Variants in PACSIN1 observed in about 807,000 individuals in gnomAD.
PACSIN1 encodes the protein protein kinase C and casein kinase substrate in neurons protein 1.
Under a neutral mutation model 59.5 loss-of-function variants are expected in PACSIN1, and 15 were observed. The ratio of observed to expected loss-of-function variants is 0.25; its 90% CI spans 0.17 to 0.39. PACSIN1 has a LOEUF of 0.39. Ranked by LOEUF, PACSIN1 falls within the 10% of genes least tolerant of loss-of-function variation. PACSIN1 has a pLI of 1.00. For synonymous variants in PACSIN1, 210 were observed against 220.6 expected, an observed-to-expected ratio of 0.95 and a Z score of 0.42; for missense variants, 420 against 580.2, an observed-to-expected ratio of 0.72 and a Z score of 2.84.
At chr6:34,486,224 T>G in intron 1 of PACSIN1, among the ~76,000 whole-genome samples, 1 of 147,956 alleles carries the variant, frequency 6.8e-6, no homozygotes, top group Non-Finnish European at 1.5e-5. Context: ...TGGGGTGAGG[T>G]GGGTTTGGGG....
chr6:34,529,067 G>A lies in PACSIN1; in HGVS notation c.456+190G>A, dbSNP rs919492941. ...GTAGGCAGTGCCCATTGGGTAAGGA[G>A]ACCCATGGGCAAAAAGGGGCACTGT... On this transcript the variant is annotated intron_variant, in intron 4 of 9. Transcript: ENST00000244458. This position sits in a 1 kb window ranked among gnomAD's most constrained non-coding sequence, Gnocchi z 6.3. 2.0e-5 allele frequency among the ~76,000 whole-genome samples: 3 copies of A among 152,068 alleles called. No individual in the cohort carries two copies. The highest frequency in any genetic ancestry group is 7.2e-5 in the African/African-American group (3 of 41,412).
At chr6:34,524,155 C>T (rs971462822) in intron 1 of PACSIN1, among the ~76,000 whole-genome samples, 6 of 152,126 alleles carry the variant, frequency 3.9e-5, no homozygotes, top group Non-Finnish European at 7.4e-5. Context: ...GTTCCAAGAA[C>T]CCTGGGCCTG....
At position 34,521,336 on chromosome 6, in the gene PACSIN1, G is replaced by A. The variant is rs1004098799; in HGVS notation, c.-63-4907G>A. 1.3e-5 allele frequency among the ~76,000 whole-genome samples: 2 copies of A among 152,138 alleles called. No individual in the cohort carries two copies. Among genetic ancestry groups the A allele is most frequent in the African/African-American group, 4.8e-5 (2 of 41,416 alleles). The stretch of plus-strand genomic sequence containing the variant: ...TGACCACTGAGGTAGGAATCCACAC[G>A]GCGCCTTGGTCCACACGAGGCCTGG... On this transcript the variant is annotated intron_variant, in intron 1 of 9. Transcript: ENST00000244458. The surrounding 1 kb of genome is among the most constrained non-coding windows in gnomAD (Gnocchi z 4.3).
In PACSIN1 at chr6:34,531,501, G is replaced by C; in HGVS notation, c.1038-99G>C. The C allele has an allele frequency of 3.2e-6, 4 of 1,248,572 alleles. No individual in the cohort carries two copies. The highest frequency in any genetic ancestry group is 4.6e-6 in the Non-Finnish European group (4 of 874,280). 77.3% of individuals were successfully genotyped at this position (1,248,572 alleles called of 1,614,324 possible). A position where few individuals can be genotyped will look rare whatever the true frequency, so the allele number is the denominator to read the frequency against. Reference sequence around the variant, plus strand: ...TGTGGCCAATCCTTGCTCTAGCCTTGGTAGAATTCGGGATCAGGGCTCTGA... The same window carrying C: ...TGTGGCCAATCCTTGCTCTAGCCTTCGTAGAATTCGGGATCAGGGCTCTGA... On this transcript the variant is annotated intron_variant, in intron 8 of 9. Coordinates refer to ENST00000244458, the MANE Select transcript of PACSIN1 (RefSeq NM_020804.5). The surrounding 1 kb of genome is among the most constrained non-coding windows in gnomAD (Gnocchi z 4.4).
intron 1 of PACSIN1, among the ~76,000 whole-genome samples, chr6:34,519,923 G>C (rs1464420810): frequency 2.6e-5 from 4 of 152,162 alleles, no homozygotes; most frequent in Non-Finnish European, 5.9e-5. Context: ...TCCTGAACCA[G>C]CAAGACTGTT....
intron 1 of PACSIN1, among the ~76,000 whole-genome samples, chr6:34,481,894 C>T (rs899038871): frequency 6.6e-6 from 1 of 152,084 alleles, no homozygotes; most frequent in African/African-American, 2.4e-5. Context: ...TATCTAATTC[C>T]AGAATATTCC....
intron 1 of PACSIN1, among the ~76,000 whole-genome samples, chr6:34,485,599 C>A (rs1330407766): frequency 6.6e-6 from 1 of 152,168 alleles, no homozygotes; most frequent in Non-Finnish European, 1.5e-5. Context: ...TGTCCCATAT[C>A]CAGGTGGGGC....
chr6:34,485,606 G>T (rs1402413704), intron 1 of PACSIN1, among the ~76,000 whole-genome samples: 1 of 152,196 alleles, frequency 6.6e-6, no homozygotes, highest in African/African-American at 2.4e-5. Context: ...TATCCAGGTG[G>T]GGCCGTTGAG....
chr6:34,525,701 C>T lies in PACSIN1; in HGVS notation c.-63-542C>T, dbSNP rs1465807432. ...CCCACCTCGGCCCTGGGGCAGCGCA[C>T]GGCCTAGATTGGATAACCCTGATGC... On this transcript the variant is annotated intron_variant, in intron 1 of 9. Coordinates refer to ENST00000244458, the MANE Select transcript of PACSIN1 (RefSeq NM_020804.5). This position sits in a 1 kb window ranked among gnomAD's most constrained non-coding sequence, Gnocchi z 4.9. Among the ~76,000 whole-genome samples, 3 of 152,068 alleles carry T rather than the reference C, an allele frequency of 2.0e-5. No homozygotes were observed. The highest frequency in any genetic ancestry group is 4.8e-5 in the African/African-American group (2 of 41,394).
At chr6:34,479,923 T>C (rs905401666) in intron 1 of PACSIN1, among the ~76,000 whole-genome samples, 1 of 151,956 alleles carries the variant, frequency 6.6e-6, no homozygotes, top group African/African-American at 2.4e-5. Context: ...CCTCCTGGGC[T>C]CAAGTGATTT....
At position 34,515,235 on chromosome 6, in the gene PACSIN1, T is replaced by A. The variant is rs1581978503; in HGVS notation, c.-63-11008T>A. On this transcript the variant is annotated intron_variant, in intron 1 of 9. Transcript: ENST00000244458. This position sits in a 1 kb window ranked among gnomAD's most constrained non-coding sequence, Gnocchi z 4.4. The stretch of plus-strand genomic sequence containing the variant: ...GGGGCGCAGCCAGCATCCTGAGAGG[T>A]CTTGTCAGAACCGTCAGAACCTTGA... Among the ~76,000 whole-genome samples, 1 of 151,886 alleles carries A rather than the reference T, an allele frequency of 6.6e-6. No homozygotes were observed. The highest frequency in any genetic ancestry group is 1.5e-5 in the Non-Finnish European group (1 of 67,944).
chr6:34,528,532 G>A lies in PACSIN1; in HGVS notation c.221-110G>A. On this transcript the variant is annotated intron_variant, in intron 3 of 9. Transcript: ENST00000244458. ...ATGGGGCCACGTAGAGCAGAGGAGGGCATTTCTGTTGCTATGAGAGGAAAG... is the reference window on the plus strand; with the variant it reads ...ATGGGGCCACGTAGAGCAGAGGAGGACATTTCTGTTGCTATGAGAGGAAAG... 3 of 812,384 alleles carry A rather than the reference G, an allele frequency of 3.7e-6. No homozygotes were observed. In the South Asian group the frequency reaches 4.5e-5, roughly 12 times the overall value. 50.3% of individuals were successfully genotyped at this position (812,384 alleles called of 1,614,324 possible). A position where few individuals can be genotyped will look rare whatever the true frequency, so the allele number is the denominator to read the frequency against.
At chr6:34,522,085 G>A (rs984010551) in intron 1 of PACSIN1, among the ~76,000 whole-genome samples, 1 of 152,202 alleles carries the variant, frequency 6.6e-6, no homozygotes, top group African/African-American at 2.4e-5. Flanking sequence ...GAGGATTGCT[G>A]TGAGAATGAA....
chr6:34,480,202 T>G (rs1766695216), intron 1 of PACSIN1, among the ~76,000 whole-genome samples: 1 of 150,452 alleles, frequency 6.6e-6, no homozygotes. Context: ...CATCAGTCCT[T>G]TCATTTTCTT....
intron 1 of PACSIN1, among the ~76,000 whole-genome samples, chr6:34,499,350 G>A (rs958533749): frequency 2.0e-5 from 3 of 151,568 alleles, no homozygotes; most frequent in African/African-American, 7.3e-5. Context: ...TTACCTCCTG[G>A]TGTGCAGCCT....
intron 1 of PACSIN1, among the ~76,000 whole-genome samples, chr6:34,485,336 G>C (rs538274885): frequency 6.6e-6 from 1 of 152,326 alleles, no homozygotes; most frequent in East Asian, 1.9e-4. Flanking sequence ...TAGGGGGTGA[G>C]GGTGGAAGCA....
In PACSIN1 at chr6:34,487,126, G is replaced by T. The variant is rs566196610; in HGVS notation, c.-64+20856G>T. On this transcript the variant is annotated intron_variant, in intron 1 of 9. Coordinates refer to ENST00000244458, the MANE Select transcript of PACSIN1 (RefSeq NM_020804.5). ...GTTGAGGCTGCAGTGAGCTATGATT[G>T]CACCACTGCACTCCAGCCTGGGTGA... Among the ~76,000 whole-genome samples the T allele has an allele frequency of 1.0e-3, 154 of 152,154 alleles. 1 individual carries two copies. Among genetic ancestry groups the T allele is most frequent in the African/African-American group, 3.1e-3 (130 of 41,510 alleles).
At position 34,530,107 on chromosome 6, in the gene PACSIN1, C is replaced by A; in HGVS notation, c.789-136C>A. The A allele has an allele frequency of 7.9e-7, 1 of 1,259,450 alleles. No homozygotes were observed. The highest frequency in any genetic ancestry group is 1.1e-6 in the Non-Finnish European group (1 of 925,362). 78.0% of individuals were successfully genotyped at this position (1,259,450 alleles called of 1,614,324 possible). On this transcript the variant is annotated intron_variant, in intron 6 of 9. Transcript: ENST00000244458. This position sits in a 1 kb window ranked among gnomAD's most constrained non-coding sequence, Gnocchi z 4.4. ...CGAGCATGCCCGGAGCTTATTCTTG[C>A]AAAGCCCACATGATTCCTGGCTGGG...
rs1767667957 is a variant in PACSIN1 at position 34,534,947 on chromosome 6, G to C, written c.*2417G>C. ...CCACGATGCTGCACGGGCCCGCCCT[G>C]GTGGGGCTCGGCGAGTAATGTGTTT... On this transcript the variant is annotated 3_prime_UTR_variant, in exon 10 of 10. Transcript: ENST00000244458. 1 of 152,704 alleles carries C rather than the reference G, an allele frequency of 6.5e-6. No homozygotes were observed. Among genetic ancestry groups the C allele is most frequent in the Non-Finnish European group, 1.5e-5 (1 of 68,070 alleles). The allele number at this position is 152,704 out of a possible 1,614,324, so 9.5% of individuals were successfully genotyped here.
Sources: allele counts gnomAD v4.1 joint callset (sites outside exome capture counted in the v4.1 genomes callset), GRCh38; gene constraint gnomAD v4.1.1; non-coding constraint Gnocchi (gnomAD v3.1); transcripts MANE v1.5; gene names NCBI Gene and HGNC (gene_info 2026-07-23, HGNC 2026-07-21).